The following SNTB1 variants were observed in gnomAD, a reference collection of about 807,000 sequenced individuals.
SNTB1 encodes the protein beta-1-syntrophin.
SNTB1 carries 36 observed loss-of-function variants against 48.9 expected under a neutral mutation model. The ratio of observed to expected loss-of-function variants is 0.74; its 90% CI spans 0.56 to 0.97. The LOEUF (loss-of-function observed/expected upper bound fraction) is 0.97, where lower values mean the gene tolerates loss of function less well. SNTB1 is among the 50% of genes least tolerant of loss of function. The probability of loss-of-function intolerance (pLI) is 0.00; values close to 1 mark genes in which losing one functional copy is unlikely to be tolerated. For missense variants in SNTB1, 786 were observed against 703.4 expected (o/e 1.12, Z -1.33); for synonymous variants, 299 against 294.6 (o/e 1.01, Z -0.15).
chr8:120,636,099 G>T (rs968336915), intron 2 of SNTB1: 3 of 377,026 alleles, frequency 8.0e-6, no homozygotes, highest in Non-Finnish European at 8.4e-6. Context: ...TAGTTATGAA[G>T]GCTGAGAAGT....
At chr8:120,772,250 C>CTT (rs1288097097) in intron 1 of SNTB1, among the ~76,000 whole-genome samples, 1 of 141,498 alleles carries the variant, frequency 7.1e-6, no homozygotes, top group Non-Finnish European at 1.6e-5. Context: ...ATTTTTTCTT[C>CTT]TTTTTTTTTT....
chr8:120,592,185 T>G (rs1175251505), intron 3 of SNTB1, among the ~76,000 whole-genome samples: 2 of 138,008 alleles, frequency 1.4e-5, no homozygotes, highest in African/African-American at 6.5e-5. Context: ...ATAAGCAGAA[T>G]TTTTTTTTTT....
chr8:120,563,286 A>G (rs1004115774), intron 4 of SNTB1, among the ~76,000 whole-genome samples: 1 of 146,410 alleles, frequency 6.8e-6, no homozygotes, highest in Non-Finnish European at 1.5e-5. Context: ...ACAAGTGAGC[A>G]TACCTTTTTT....
intron 3 of SNTB1, among the ~76,000 whole-genome samples, chr8:120,604,189 C>T (rs1275675761): frequency 1.3e-5 from 2 of 152,166 alleles, no homozygotes; most frequent in Admixed American, 6.5e-5. Flanking sequence ...AATTGGAGAG[C>T]CATCAGAAAC....
At chr8:120,711,111 G>A (rs1017348331) in intron 1 of SNTB1, among the ~76,000 whole-genome samples, 99 of 152,106 alleles carry the variant, frequency 6.5e-4, no homozygotes, top group Non-Finnish European at 7.2e-4. Flanking sequence ...TTGAAACCCA[G>A]GTATTCACTG....
At chr8:120,671,488 A>G (rs1817757075) in intron 2 of SNTB1, among the ~76,000 whole-genome samples, 1 of 152,266 alleles carries the variant, frequency 6.6e-6, no homozygotes, top group East Asian at 1.9e-4. Context: ...CTACAAGCCA[A>G]GAAATACCAA....
chr8:120,700,615 A>G (rs1250315864), intron 1 of SNTB1, among the ~76,000 whole-genome samples: 1 of 152,240 alleles, frequency 6.6e-6, no homozygotes, highest in Non-Finnish European at 1.5e-5. Flanking sequence ...TCTTCAAACC[A>G]ATAATCCACC....
At chr8:120,770,533 C>T (rs879284594) in intron 1 of SNTB1, among the ~76,000 whole-genome samples, 1 of 151,786 alleles carries the variant, frequency 6.6e-6, no homozygotes, top group East Asian at 1.9e-4. Flanking sequence ...ACCTTTACGC[C>T]GGGTGCAGTG....
chr8:120,600,042 G>A (rs1222798662), intron 3 of SNTB1, among the ~76,000 whole-genome samples: 1 of 152,220 alleles, frequency 6.6e-6, no homozygotes, highest in Non-Finnish European at 1.5e-5. Context: ...CAAAATTTTA[G>A]TTGGAATATT....
chr8:120,616,463 A>G (rs890573391), intron 3 of SNTB1, among the ~76,000 whole-genome samples: 2 of 144,442 alleles, frequency 1.4e-5, no homozygotes, highest in Non-Finnish European at 3.0e-5. Context: ...ACAACACCTG[A>G]CTAACTAAAA....
intron 3 of SNTB1, among the ~76,000 whole-genome samples, chr8:120,614,725 C>T (rs981904033): frequency 2.6e-5 from 4 of 152,002 alleles, no homozygotes; most frequent in African/African-American, 4.8e-5. Flanking sequence ...TTTCACAGTT[C>T]GTAAAGCACC....
At chr8:120,773,827 A>G (rs1462443007) in intron 1 of SNTB1, among the ~76,000 whole-genome samples, 1 of 152,238 alleles carries the variant, frequency 6.6e-6, no homozygotes, top group African/African-American at 2.4e-5. Context: ...GTAATCGTTC[A>G]AGGTCACTCA....
intron 2 of SNTB1, among the ~76,000 whole-genome samples, chr8:120,658,659 G>A (rs1458415270): frequency 6.6e-6 from 1 of 152,174 alleles, no homozygotes; most frequent in Non-Finnish European, 1.5e-5. Flanking sequence ...GCTAAAAATT[G>A]CTAATGATCA....
chr8:120,578,055 T>TA, intron 3 of SNTB1, among the ~76,000 whole-genome samples: 1 of 152,222 alleles, frequency 6.6e-6, no homozygotes, highest in East Asian at 1.9e-4. Flanking sequence ...GTTTTTGAGA[T>TA]AGAGTCTTGC....
chr8:120,668,761 C>CT (rs1408238539), intron 2 of SNTB1, among the ~76,000 whole-genome samples: 1 of 152,170 alleles, frequency 6.6e-6, no homozygotes, highest in African/African-American at 2.4e-5. Flanking sequence ...TCAAGAACAG[C>CT]TGGAGAAAAT....
At position 120,733,559 on chromosome 8, in the gene SNTB1, G is replaced by T. The variant is rs577800860; in HGVS notation, c.572-39651C>A. ...GTTGTCTGAGATTTCCAAACTACTT[G>T]GTCCCTTCTAAAAGAAGGAATGAAG... On this transcript the variant is annotated intron_variant, in intron 1 of 6. Transcript: ENST00000517992. Among the ~76,000 whole-genome samples, 3 of 152,254 alleles carry T rather than the reference G, an allele frequency of 2.0e-5. 1 individual carries two copies. In the South Asian group the frequency reaches 6.2e-4, roughly 32 times the overall value.
At chr8:120,770,534 G>A (rs939954667) in intron 1 of SNTB1, among the ~76,000 whole-genome samples, 24 of 151,916 alleles carry the variant, frequency 1.6e-4, no homozygotes, top group Admixed American at 3.9e-4. Context: ...CCTTTACGCC[G>A]GGTGCAGTGG....
chr8:120,632,725 G>C (rs62526700), intron 2 of SNTB1, 74 bp from the exon 3 acceptor site: 5 of 1,269,938 alleles, frequency 3.9e-6, no homozygotes, highest in Non-Finnish European at 5.7e-6. Context: ...GGTCACAAAG[G>C]TGAATTAATT....
intron 1 of SNTB1, among the ~76,000 whole-genome samples, chr8:120,708,701 G>C (rs963731619): frequency 1.3e-5 from 2 of 152,038 alleles, no homozygotes; most frequent in Non-Finnish European, 2.9e-5. Flanking sequence ...CAGATAAAAG[G>C]AGAAAAGTAT....
Sources: gnomAD v4.1 joint callset for allele counts (sites outside exome capture counted in the v4.1 genomes callset) on GRCh38, gnomAD v4.1.1 for gene constraint, MANE v1.5 for transcripts, NCBI Gene and HGNC (gene_info 2026-07-23, HGNC 2026-07-21) for gene names.